The following TXNDC9 variants were observed in gnomAD, a reference collection of about 807,000 sequenced individuals.
TXNDC9 encodes the protein thioredoxin domain containing 9.
TXNDC9 carries 7 observed loss-of-function variants against 23.0 expected under a neutral mutation model. The ratio of observed to expected loss-of-function variants is 0.30; its 90% CI spans 0.17 to 0.57. TXNDC9 has a LOEUF of 0.57. TXNDC9 is among the 20% of genes least tolerant of loss of function. The pLI, the probability that TXNDC9 is intolerant of heterozygous loss-of-function variation, is 0.90. For synonymous variants in TXNDC9, 72 were observed against 90.6 expected (o/e 0.79, Z 1.17); for missense variants, 198 against 252.6 (o/e 0.78, Z 1.47).
intron 4 of TXNDC9, among the ~76,000 whole-genome samples, chr2:99,320,778 G>T (rs2094199956): frequency 6.6e-6 from 1 of 152,092 alleles, no homozygotes; most frequent in African/African-American, 2.4e-5. Flanking sequence ...CCACTCAAAT[G>T]GTTCCCAAAA....
downstream of TXNDC9, among the ~76,000 whole-genome samples, chr2:99,316,628 T>C (rs963532183): frequency 6.6e-6 from 1 of 152,210 alleles, no homozygotes; most frequent in African/African-American, 2.4e-5. Context: ...TCAGGCATCA[T>C]TTCTTCCAAT....
At chr2:99,323,207 G>C (rs2094206370) in intron 3 of TXNDC9, among the ~76,000 whole-genome samples, 1 of 151,692 alleles carries the variant, frequency 6.6e-6, no homozygotes, top group Non-Finnish European at 1.5e-5. Context: ...AGTAGTTTGA[G>C]ACCAGCTTAG....
At chr2:99,314,529 C>CTTTTTTTTTTTTTTTT (rs55729391), downstream of TXNDC9, among the ~76,000 whole-genome samples, 3 of 97,446 alleles carry the variant, frequency 3.1e-5, no homozygotes, top group African/African-American at 7.9e-5. Flanking sequence ...AATACTACAC[C>CTTTTTTTTTTTTTTTT]TTTTTTTTTT....
At chr2:99,309,378 A>G in the TXNDC9 span, among the ~76,000 whole-genome samples, 2 of 152,150 alleles carry the variant, frequency 1.3e-5, no homozygotes. Flanking sequence ...TCTCGAAAAA[A>G]AAAATTAAAA....
chr2:99,317,668 G>A (rs2094192242), downstream of TXNDC9, among the ~76,000 whole-genome samples: 1 of 151,638 alleles, frequency 6.6e-6, no homozygotes, highest in South Asian at 2.1e-4. Flanking sequence ...TATAGAGACA[G>A]GGTCTCACTA....
downstream of TXNDC9, among the ~76,000 whole-genome samples, chr2:99,317,892 G>A (rs1316755537): frequency 6.6e-6 from 1 of 151,912 alleles, no homozygotes; most frequent in Non-Finnish European, 1.5e-5. Context: ...ACTAATAACA[G>A]CTGCCTCTAT....
the TXNDC9 span, among the ~76,000 whole-genome samples, chr2:99,310,506 G>T: frequency 6.6e-6 from 1 of 152,202 alleles, no homozygotes; most frequent in Non-Finnish European, 1.5e-5. Flanking sequence ...TAGAATGATT[G>T]GAATCACTAA....
chr2:99,327,390 TA>T (rs2094215104), intron 3 of TXNDC9, 144 bp downstream of exon 3: 3 of 618,902 alleles, frequency 4.8e-6, no homozygotes, highest in Non-Finnish European at 5.7e-6. Flanking sequence ...AACTTAATAC[TA>T]AATAACATAT....
chr2:99,325,733 G>C (rs1055970327), intron 3 of TXNDC9, among the ~76,000 whole-genome samples: 1 of 152,120 alleles, frequency 6.6e-6, no homozygotes, highest in Non-Finnish European at 1.5e-5. Context: ...AAGTGAGGCC[G>C]GGTGCCGTGG....
chr2:99,314,298 G>T (rs928257241), downstream of TXNDC9, among the ~76,000 whole-genome samples: 5 of 152,002 alleles, frequency 3.3e-5, no homozygotes, highest in Admixed American at 3.3e-4. Flanking sequence ...CTTGGGTTCT[G>T]CATCTGTGGA....
intron 4 of TXNDC9, chr2:99,321,070 A>C (rs2094200553): frequency 6.6e-6 from 1 of 152,028 alleles, no homozygotes; most frequent in South Asian, 2.1e-4. Context: ...GCTTAAAATT[A>C]CTTCAAAATA....
At chr2:99,314,957 A>G (rs537284022), downstream of TXNDC9, among the ~76,000 whole-genome samples, 48 of 127,666 alleles carry the variant, frequency 3.8e-4, no homozygotes, top group South Asian at 0.012. Flanking sequence ...GTGCAGTGGC[A>G]TGATCTCGGC....
At chr2:99,311,517 C>T in the TXNDC9 span, among the ~76,000 whole-genome samples, 6 of 152,256 alleles carry the variant, frequency 3.9e-5, no homozygotes, top group Admixed American at 1.3e-4. Context: ...AGGCTGGTCT[C>T]GAACTCCTGG....
chr2:99,308,404 C>G, the TXNDC9 span, among the ~76,000 whole-genome samples: 2 of 152,172 alleles, frequency 1.3e-5, no homozygotes, highest in Non-Finnish European at 2.9e-5. Flanking sequence ...CTGTTGCTGC[C>G]CTATATTTTT....
chr2:99,322,907 G>A (rs1250768138), intron 3 of TXNDC9, among the ~76,000 whole-genome samples: 2 of 151,954 alleles, frequency 1.3e-5, no homozygotes, highest in Admixed American at 6.6e-5. Flanking sequence ...GACTACAGGC[G>A]CCTGCCACCA....
At chr2:99,324,655 C>A (rs866167088) in intron 3 of TXNDC9, among the ~76,000 whole-genome samples, 15 of 152,222 alleles carry the variant, frequency 9.9e-5, no homozygotes, top group Middle Eastern at 6.8e-3. Flanking sequence ...CTCACTGCAA[C>A]CTCCACCTCC....
chr2:99,316,117 C>CTTTTTTTTTTTTT (rs57142545), downstream of TXNDC9, among the ~76,000 whole-genome samples: 2 of 135,988 alleles, frequency 1.5e-5, no homozygotes, highest in African/African-American at 2.7e-5. Context: ...ATTTCTTTTT[C>CTTTTTTTTTTTTT]TTTTTTTTTT....
downstream of TXNDC9, among the ~76,000 whole-genome samples, chr2:99,318,105 G>A (rs2094193710): frequency 6.6e-6 from 1 of 152,202 alleles, no homozygotes; most frequent in Non-Finnish European, 1.5e-5. Flanking sequence ...TGGCCAGGCT[G>A]GTCTTGAACT....
intron 3 of TXNDC9, among the ~76,000 whole-genome samples, chr2:99,326,272 C>T (rs967615540): frequency 6.6e-6 from 1 of 152,104 alleles, no homozygotes; most frequent in African/African-American, 2.4e-5. Context: ...TCAATGAATA[C>T]CAGGCAATCA....
Sources: allele counts gnomAD v4.1 joint callset (sites outside exome capture counted in the v4.1 genomes callset), GRCh38; gene constraint gnomAD v4.1.1; transcripts MANE v1.5; gene names NCBI Gene and HGNC (gene_info 2026-07-23, HGNC 2026-07-21).